Variants in SFSWAP observed in about 807,000 individuals in gnomAD.
SFSWAP encodes the protein splicing factor, suppressor of white-apricot homolog.
A neutral mutation model predicts 100.7 loss-of-function variants in SFSWAP; 17 were observed. The ratio of observed to expected loss-of-function variants is 0.17; its 90% CI spans 0.12 to 0.25. The LOEUF is 0.25. Ranked by LOEUF, SFSWAP falls within the 10% of genes least tolerant of loss-of-function variation. The pLI, the probability that SFSWAP is intolerant of heterozygous loss-of-function variation, is 1.00. For synonymous variants in SFSWAP, 504 were observed against 510.1 expected, an observed-to-expected ratio of 0.99 and a Z score of 0.16; for missense variants, 1,005 against 1,262.6, an observed-to-expected ratio of 0.80 and a Z score of 3.09.
intron 7 of SFSWAP, among the ~76,000 whole-genome samples, chr12:131,729,826 T>C (rs1156841289): frequency 1.3e-5 from 2 of 152,218 alleles, no homozygotes; most frequent in African/African-American, 4.8e-5. Context: ...CGGAGATGAA[T>C]TGTTAAAACA....
intron 7 of SFSWAP, among the ~76,000 whole-genome samples, chr12:131,729,206 A>C (rs192253049): frequency 1.3e-5 from 2 of 152,272 alleles, no homozygotes; most frequent in Non-Finnish European, 2.9e-5. Flanking sequence ...TGCTTTCTTT[A>C]AAAAGGTTCA....
chr12:131,728,056 C>T (rs1418118581), intron 6 of SFSWAP, among the ~76,000 whole-genome samples: 1 of 152,162 alleles, frequency 6.6e-6, no homozygotes, highest in Non-Finnish European at 1.5e-5. Flanking sequence ...CTTAGTTGTT[C>T]GTCTGTCCTT....
At chr12:131,786,128 C>T (rs1224279289) in intron 14 of SFSWAP, among the ~76,000 whole-genome samples, 2 of 152,150 alleles carry the variant, frequency 1.3e-5, no homozygotes, top group African/African-American at 4.8e-5. Flanking sequence ...ATACTCAGAC[C>T]GTGGCTCATG....
At chr12:131,759,728 G>T (rs1361938772) in intron 11 of SFSWAP, among the ~76,000 whole-genome samples, 2 of 152,032 alleles carry the variant, frequency 1.3e-5, no homozygotes, top group Non-Finnish European at 2.9e-5. Flanking sequence ...CGTGAACCCG[G>T]GAGGCGGAGC....
chr12:131,717,091 G>A (rs1877989329), intron 3 of SFSWAP, among the ~76,000 whole-genome samples: 1 of 152,116 alleles, frequency 6.6e-6, no homozygotes, highest in Admixed American at 6.5e-5. Flanking sequence ...ATTAATATAA[G>A]TGAAACACCT....
intron 15 of SFSWAP, among the ~76,000 whole-genome samples, chr12:131,787,219 G>A (rs1395624433): frequency 6.6e-6 from 1 of 152,198 alleles, no homozygotes; most frequent in Non-Finnish European, 1.5e-5. Flanking sequence ...GGTGCCACGG[G>A]CTCACCCCTC....
chr12:131,770,767 T>C (rs991051304), intron 13 of SFSWAP, among the ~76,000 whole-genome samples: 1 of 152,222 alleles, frequency 6.6e-6, no homozygotes, highest in African/African-American at 2.4e-5. Context: ...ATTCACACTG[T>C]GCAACTATTA....
At chr12:131,779,288 T>TGAGCCTGTGTGAAGAGGGCGGCGC (rs1593181337) in intron 14 of SFSWAP, among the ~76,000 whole-genome samples, 1 of 150,612 alleles carries the variant, frequency 6.6e-6, no homozygotes, top group African/African-American at 2.4e-5. Flanking sequence ...GCGGCGCGGG[T>TGAGCCTGTGTGAAGAGGGCGGCGC]GGGTGTGTGT....
In SFSWAP at chr12:131,730,448, G is replaced by A. The variant is rs1412297097; in HGVS notation, c.1081+2020G>A. The stretch of plus-strand genomic sequence containing the variant: ...TTTGCTGTGCTAATCACTGGTGGAA[G>A]AACAGCCATGTGCAGACCCCGCAGG... On this transcript the variant is annotated intron_variant, in intron 7 of 17. Coordinates refer to ENST00000261674, the MANE Select transcript of SFSWAP (RefSeq NM_004592.4). This position sits in a 1 kb window ranked among gnomAD's most constrained non-coding sequence, Gnocchi z 4.0. 6.6e-6 allele frequency among the ~76,000 whole-genome samples: 1 copy of A among 152,242 alleles called. No homozygotes were observed. The highest frequency in any genetic ancestry group is 1.5e-5 in the Non-Finnish European group (1 of 68,042).
At chr12:131,769,370 G>A (rs1040968947) in intron 13 of SFSWAP, among the ~76,000 whole-genome samples, 2 of 152,116 alleles carry the variant, frequency 1.3e-5, no homozygotes, top group African/African-American at 4.8e-5. Flanking sequence ...TTTTGATATC[G>A]TTTGTGCAGC....
At chr12:131,746,140 A>T (rs952627319) in intron 7 of SFSWAP, among the ~76,000 whole-genome samples, 1 of 152,188 alleles carries the variant, frequency 6.6e-6, no homozygotes, top group Non-Finnish European at 1.5e-5. Flanking sequence ...TGGAGAGGAG[A>T]TCTCAGGTGA....
chr12:131,785,114 AGAGCAGCGCGTCAGTGACAGCGGCAGCC>A, intron 14 of SFSWAP: 1 of 1,535,712 alleles, frequency 6.5e-7, no homozygotes, highest in Non-Finnish European at 8.7e-7. Context: ...GAGCCCTGTC[AGAGCAGCGCGTCAGTGACAGCGGCAGCC>A]GAGCCAGGAA....
chr12:131,711,315 G>C lies in SFSWAP; in HGVS notation c.86G>C (p.Gly29Ala), dbSNP rs754469092. 20 of 1,613,474 alleles carry C rather than the reference G, an allele frequency of 1.2e-5. 1 individual carries two copies. The South Asian group carries it at 2.1e-4, about 17-fold the overall frequency. ...EEAGPGGAGG[G>A]GSRVELLVFG... is the part of the protein sequence containing the mutation. Reference sequence around the variant, plus strand: ...GCCGGGCCAGGCGGTGCCGGCGGTGGGGGCAGCCGAGTGGAGCTCTTGGTT... The same window carrying C: ...GCCGGGCCAGGCGGTGCCGGCGGTGCGGGCAGCCGAGTGGAGCTCTTGGTT... Residue 29 changes from glycine to alanine, a missense_variant, in exon 1 of 18, where the codon GGG (glycine) becomes GCG (alanine). Physicochemically the swap from Gly to Ala is moderately conservative, Grantham distance 60. This residue lies in a region of SFSWAP where 237 missense variants were observed against 337.0 expected (regional missense o/e 0.70). Transcript: ENST00000261674. The surrounding 1 kb of genome is among the most constrained non-coding windows in gnomAD (Gnocchi z 4.9).
intron 4 of SFSWAP, among the ~76,000 whole-genome samples, chr12:131,720,899 A>G (rs1460508983): frequency 6.6e-6 from 1 of 152,224 alleles, no homozygotes; most frequent in East Asian, 1.9e-4. Flanking sequence ...TCACACAGCT[A>G]TAAAAAAATA....
chr12:131,749,906 A>T (rs1443652668), intron 7 of SFSWAP, among the ~76,000 whole-genome samples: 1 of 152,238 alleles, frequency 6.6e-6, no homozygotes, highest in African/African-American at 2.4e-5. Flanking sequence ...AGGCCTCCTG[A>T]GTCTGCCAAG....
rs768091766 is a variant in SFSWAP at position 131,711,249 on chromosome 12, G to A, written c.20G>A (p.Gly7Asp). MYGASG[G>D]RAKPERKSGA... Reference sequence around the variant, plus strand: ...GCTGTCATGTACGGCGCGAGCGGGGGCCGCGCCAAACCCGAGAGGAAAAGC... The same window carrying A: ...GCTGTCATGTACGGCGCGAGCGGGGACCGCGCCAAACCCGAGAGGAAAAGC... Residue 7 changes from glycine to aspartate, a missense_variant, in exon 1 of 18, where the codon GGC (glycine) becomes GAC (aspartate). Physicochemically the swap from Gly to Asp is moderately conservative, Grantham distance 94. Around this residue, in one of 7 missense-constraint regions of SFSWAP, gnomAD observed 237 missense variants for 337.0 expected, o/e 0.70. Transcript: ENST00000261674. The surrounding 1 kb of genome is among the most constrained non-coding windows in gnomAD (Gnocchi z 4.9). 17 of 1,606,684 alleles carry A rather than the reference G, an allele frequency of 1.1e-5. 1 individual carries two copies. The highest frequency in any genetic ancestry group is 7.7e-5 in the South Asian group (7 of 90,802).
intron 14 of SFSWAP, chr12:131,783,790 TTTTATATA>T (rs1179640466): frequency 9.3e-5 from 3 of 32,272 alleles, no homozygotes; most frequent in African/African-American, 1.9e-4. Flanking sequence ...AAAAAAAACA[TTTTATATA>T]TATATATATA....
intron 7 of SFSWAP, among the ~76,000 whole-genome samples, chr12:131,749,628 G>A (rs780187039): frequency 5.3e-5 from 8 of 152,220 alleles, no homozygotes; most frequent in Non-Finnish European, 7.3e-5. Flanking sequence ...TGTGCGGCAC[G>A]TGTCAAGCAG....
In SFSWAP at chr12:131,768,681, G is replaced by C. The variant is rs369068210; in HGVS notation, c.2142+2373G>C. 7.2e-5 allele frequency among the ~76,000 whole-genome samples: 11 copies of C among 152,232 alleles called. No homozygotes were observed. The East Asian group carries it at 2.1e-3, about 29-fold the overall frequency. On this transcript the variant is annotated intron_variant, in intron 13 of 17. Transcript: ENST00000261674. ...CATTTGACATGCCAGCCCCAGAAAC[G>C]AACATTTTCAGGCAAGGTGGGAACC...
Sources: allele counts gnomAD v4.1 joint callset (sites outside exome capture counted in the v4.1 genomes callset), GRCh38; gene constraint gnomAD v4.1.1; regional missense constraint gnomAD v4.1.1; non-coding constraint Gnocchi (gnomAD v3.1); transcripts MANE v1.5; gene names NCBI Gene and HGNC (gene_info 2026-07-23, HGNC 2026-07-21).